MYOCOS: variants seen among roughly 807,000 people sequenced by gnomAD.
The protein encoded by MYOCOS is myocilin opposite strand.
chr1:171,613,236 A>C (rs991033834), intron 1 of MYOCOS, among the ~76,000 whole-genome samples: 2 of 152,182 alleles, frequency 1.3e-5, no homozygotes, highest in Admixed American at 1.3e-4. Flanking sequence ...TCTTTTACTC[A>C]GTGGGTTCTG....
At chr1:171,606,784 C>T (rs1281452170) in intron 1 of MYOCOS, among the ~76,000 whole-genome samples, 2 of 152,148 alleles carry the variant, frequency 1.3e-5, no homozygotes, top group Non-Finnish European at 2.9e-5. Context: ...CTTTCTACAA[C>T]TCGGTGTCTC....
chr1:171,618,244 T>C (rs550852536), upstream of MYOCOS, among the ~76,000 whole-genome samples: 2 of 152,310 alleles, frequency 1.3e-5, no homozygotes, highest in African/African-American at 4.8e-5. Context: ...ACCAACCAAG[T>C]TCAGAGACTC....
intron 1 of MYOCOS, among the ~76,000 whole-genome samples, chr1:171,601,479 G>T (rs1464137913): frequency 6.7e-6 from 1 of 148,546 alleles, no homozygotes; most frequent in Non-Finnish European, 1.5e-5. Context: ...GTGGTATTTT[G>T]TCTCAAAAAA....
chr1:171,603,240 A>C (rs1360153608), intron 1 of MYOCOS, among the ~76,000 whole-genome samples: 1 of 152,218 alleles, frequency 6.6e-6, no homozygotes, highest in Admixed American at 6.5e-5. Flanking sequence ...CAGTGAGCTT[A>C]AGAATTTTCA....
chr1:171,609,029 T>A (rs1294294520), intron 1 of MYOCOS, among the ~76,000 whole-genome samples: 2 of 152,082 alleles, frequency 1.3e-5, no homozygotes, highest in African/African-American at 4.8e-5. Flanking sequence ...GATTAGTGGG[T>A]TAAGTATACA....
chr1:171,605,526 A>G (rs888883432), intron 1 of MYOCOS, among the ~76,000 whole-genome samples: 2 of 151,904 alleles, frequency 1.3e-5, no homozygotes, highest in Non-Finnish European at 2.9e-5. Flanking sequence ...CCACCAGGTT[A>G]TATTGGATAT....
upstream of MYOCOS, among the ~76,000 whole-genome samples, chr1:171,620,767 TTCTTTC>T (rs1166486508): frequency 8.9e-6 from 1 of 111,848 alleles, no homozygotes; most frequent in African/African-American, 3.8e-5. Context: ...TTCTTTCTTT[TTCTTTC>T]TTTTTTTTTT....
chr1:171,620,191 G>A (rs964907043), upstream of MYOCOS, among the ~76,000 whole-genome samples: 11 of 151,288 alleles, frequency 7.3e-5, no homozygotes, highest in African/African-American at 2.7e-4. Context: ...TTATATGAAG[G>A]TGAGGACTGA....
At chr1:171,603,038 A>G (rs1017063250) in intron 1 of MYOCOS, among the ~76,000 whole-genome samples, 48 of 152,282 alleles carry the variant, frequency 3.2e-4, no homozygotes, top group Admixed American at 2.2e-3. Context: ...CGTGGGCTGC[A>G]TGGTAGCTCT....
intron 2 of MYOCOS, 150 bp downstream of exon 2, chr1:171,624,128 C>T: frequency 2.5e-6 from 1 of 396,776 alleles, no homozygotes; most frequent in Non-Finnish European, 4.4e-6. Context: ...AAGGAAACTG[C>T]TTTGTCATCC....
chr1:171,608,118 CACA>C (rs1208382027), intron 1 of MYOCOS, among the ~76,000 whole-genome samples: 9 of 152,160 alleles, frequency 5.9e-5, no homozygotes, highest in African/African-American at 1.7e-4. Flanking sequence ...GGGTCCCTCC[CACA>C]ACAAGTGGGA....
intron 2 of MYOCOS, among the ~76,000 whole-genome samples, chr1:171,625,447 A>C (rs1273320791): frequency 6.6e-6 from 1 of 152,218 alleles, no homozygotes; most frequent in African/African-American, 2.4e-5. Flanking sequence ...CAGCTTGCTC[A>C]GCTGAAAGAT....
exon 1 of MYOCOS, chr1:171,600,908 G>A (rs1019680639): frequency 9.2e-5 from 14 of 152,208 alleles, no homozygotes; most frequent in African/African-American, 2.7e-4. Context: ...TTTTGTCTCC[G>A]GCTGGTCATG....
intron 1 of MYOCOS, among the ~76,000 whole-genome samples, chr1:171,611,132 G>T (rs1029254544): frequency 2.9e-4 from 44 of 152,200 alleles, no homozygotes; most frequent in Non-Finnish European, 5.1e-4. Flanking sequence ...ACCCTGAGAA[G>T]AGCTGCAGAG....
chr1:171,602,259 CA>C (rs973516503), intron 1 of MYOCOS, among the ~76,000 whole-genome samples: 2 of 151,676 alleles, frequency 1.3e-5, no homozygotes, highest in Admixed American at 1.3e-4. Context: ...AAAAATTATG[CA>C]AAAAATGTTG....
At chr1:171,626,336 C>G (rs1652697189) in intron 2 of MYOCOS, 118 bp from the exon 3 acceptor site, 1 of 390,154 alleles carries the variant, frequency 2.6e-6, no homozygotes, top group African/African-American at 2.1e-5. Context: ...TCCACCTCAG[C>G]CTCCCAAAGT....
chr1:171,614,239 C>T (rs1652407811), intron 1 of MYOCOS, among the ~76,000 whole-genome samples: 1 of 152,206 alleles, frequency 6.6e-6, no homozygotes, highest in African/African-American at 2.4e-5. Flanking sequence ...CCTCTATCCC[C>T]TACTGATACA....
At chr1:171,612,808 C>T (rs991425052) in intron 1 of MYOCOS, among the ~76,000 whole-genome samples, 10 of 152,030 alleles carry the variant, frequency 6.6e-5, no homozygotes, top group Non-Finnish European at 1.5e-4. Flanking sequence ...CCAACCTGGG[C>T]GACAAGAGTG....
exon 2 of MYOCOS, chr1:171,614,835 A>G (rs1406203128): frequency 1.3e-5 from 2 of 152,240 alleles, no homozygotes; most frequent in East Asian, 3.8e-4. Context: ...TGCAGACAAC[A>G]CTGAGCAAAG....
Sources: gnomAD v4.1 joint callset for allele counts (sites outside exome capture counted in the v4.1 genomes callset) on GRCh38, gnomAD v4.1.1 for gene constraint, MANE v1.5 for transcripts, NCBI Gene and HGNC (gene_info 2026-07-23, HGNC 2026-07-21) for gene names.